GTF3C2: variants seen among roughly 807,000 people sequenced by gnomAD.
GTF3C2 encodes the protein general transcription factor IIIC subunit 2, also known as general transcription factor 3C polypeptide 2.
A neutral mutation model predicts 117.4 loss-of-function variants in GTF3C2; 17 were observed. The observed-to-expected ratio is 0.14, with a 90% confidence interval of 0.10 to 0.22. The LOEUF (loss-of-function observed/expected upper bound fraction) is 0.22, where lower values mean the gene tolerates loss of function less well. Ranked by LOEUF, GTF3C2 falls within the 10% of genes least tolerant of loss-of-function variation. GTF3C2 has a pLI of 1.00. For missense variants in GTF3C2, 888 were observed against 1,143.6 expected (o/e 0.78, Z 3.22); for synonymous variants, 437 against 427.0 (o/e 1.02, Z -0.29).
At chr2:27,352,976 GCTT>G (rs1681187757) in intron 1 of GTF3C2, among the ~76,000 whole-genome samples, 1 of 152,142 alleles carries the variant, frequency 6.6e-6, no homozygotes, top group Admixed American at 6.6e-5. Flanking sequence ...CTATTTGGCA[GCTT>G]TTTTGTTTGC....
intron 4 of GTF3C2, among the ~76,000 whole-genome samples, chr2:27,338,460 G>GCA (rs59913490): frequency 0.019 from 1,462 of 76,174 alleles, 11 homozygotes; most frequent in Middle Eastern, 0.081. Context: ...GCGCACGCGC[G>GCA]CACACACACA....
exon 19 of GTF3C2, chr2:27,326,488 C>T (rs1213665359): frequency 2.0e-5 from 12 of 606,926 alleles, no homozygotes; most frequent in South Asian, 1.0e-4. Flanking sequence ...CCCCCCTGCC[C>T]GCAGGGGGCT....
At chr2:27,343,322 C>T in exon 2 of GTF3C2, 1 of 1,614,094 alleles carries the variant, frequency 6.2e-7, no homozygotes, top group Non-Finnish European at 8.5e-7. Context: ...CTGTTCCAGT[C>T]TGGAGAGGCT....
At chr2:27,343,564 C>G in exon 2 of GTF3C2, 1 of 1,613,432 alleles carries the variant, frequency 6.2e-7, no homozygotes. Context: ...TCAGCACCCC[C>G]CAAAATGGCT....
At chr2:27,347,031 G>C (rs1680941656) in intron 1 of GTF3C2, among the ~76,000 whole-genome samples, 1 of 152,114 alleles carries the variant, frequency 6.6e-6, no homozygotes, top group Admixed American at 6.6e-5. Context: ...TGACTAAATT[G>C]TCATGAGTCT....
intron 18 of GTF3C2, 124 bp from the exon 19 acceptor site, chr2:27,327,017 C>CA (rs761260088): frequency 9.3e-5 from 66 of 706,896 alleles, no homozygotes; most frequent in Non-Finnish European, 1.5e-4. Context: ...TGAGGGGTGA[C>CA]AGAGGTAAGA....
At chr2:27,327,951 T>G in intron 17 of GTF3C2, 86 bp downstream of exon 17, 1 of 1,128,394 alleles carries the variant, frequency 8.9e-7, no homozygotes, top group Non-Finnish European at 1.3e-6. Context: ...TACATCTTTG[T>G]GCTGAACTCA....
At chr2:27,356,012 G>A (rs1417896309) in intron 1 of GTF3C2, 4 of 897,492 alleles carry the variant, frequency 4.5e-6, no homozygotes, top group African/African-American at 3.4e-5. Context: ...ATTGATAAGA[G>A]ATTGCAAAAA....
Position 27,329,300 on chromosome 2 carries a change from A to G in GTF3C2, c.1878-18T>C. The G allele has an allele frequency of 6.2e-7, 1 of 1,614,098 alleles. No homozygotes were observed. The highest frequency in any genetic ancestry group is 1.1e-5 in the South Asian group (1 of 91,078). On this transcript the variant is annotated intron_variant, in intron 13 of 18. Transcript: ENST00000264720. This position sits in a 1 kb window ranked among gnomAD's most constrained non-coding sequence, Gnocchi z 4.5. ...GGAAATGGCTGTAAAAAGACGGGAG[A>G]AGGTCAAATCCAAACAAATCCGGAA...
At chr2:27,354,207 C>T (rs1237955563) in intron 1 of GTF3C2, among the ~76,000 whole-genome samples, 3 of 151,992 alleles carry the variant, frequency 2.0e-5, no homozygotes, top group Non-Finnish European at 4.4e-5. Flanking sequence ...CGCCTGAGCC[C>T]AGGAGTTCAA....
At chr2:27,346,011 C>T (rs536409604) in intron 1 of GTF3C2, among the ~76,000 whole-genome samples, 19 of 144,112 alleles carry the variant, frequency 1.3e-4, no homozygotes, top group East Asian at 1.2e-3. Flanking sequence ...CACTGTGCCC[C>T]GCCACTTTTT....
chr2:27,338,122 TC>T lies in GTF3C2; in HGVS notation c.856-103del, dbSNP rs1680564043. The T allele has an allele frequency of 9.1e-6, 7 of 765,158 alleles. No individual in the cohort carries two copies. The Middle Eastern group carries it at 9.2e-4, about 101-fold the overall frequency. The allele number at this position is 765,158 out of a possible 1,614,324, so 47.4% of individuals were successfully genotyped here. A position where few individuals can be genotyped will look rare whatever the true frequency, so the allele number is the denominator to read the frequency against. On this transcript the variant is annotated intron_variant, in intron 4 of 18. Transcript: ENST00000264720. ...AGTTTTTATCTTCTTTGGCAATACC[TC>T]CCCCTCCAATCACTGCCCTATCAGC...
rs757109438 is a variant in GTF3C2 at position 27,343,155 on chromosome 2, G to A, written c.248-8C>T. 2 of 1,555,874 alleles carry A rather than the reference G, an allele frequency of 1.3e-6. No individual in the cohort carries two copies. Among genetic ancestry groups the A allele is most frequent in the Non-Finnish European group, 1.7e-6 (2 of 1,150,886 alleles). Reference sequence around the variant, plus strand: ...ACATCTCTGAAGAAAGATCTGTGGAGAAGAATATGGGTCTGTGAGATGGGA... The same window carrying A: ...ACATCTCTGAAGAAAGATCTGTGGAAAAGAATATGGGTCTGTGAGATGGGA... On this transcript the variant is annotated splice_region_variant and splice_polypyrimidine_tract_variant and intron_variant, in intron 2 of 18. Transcript: ENST00000264720.
intron 17 of GTF3C2, 118 bp from the exon 18 acceptor site, chr2:27,327,402 T>G: frequency 1.9e-6 from 1 of 514,904 alleles, no homozygotes. Flanking sequence ...GGCAGCTCAC[T>G]ACAACCTGTG....
chr2:27,341,714 T>C, intron 4 of GTF3C2: 1 of 525,962 alleles, frequency 1.9e-6, no homozygotes, highest in Non-Finnish European at 3.4e-6. Context: ...ACGTTTGTTG[T>C]GTTTCCTAAC....
intron 15 of GTF3C2, 121 bp downstream of exon 15, chr2:27,328,723 G>T (rs977774080): frequency 2.8e-6 from 3 of 1,062,410 alleles, no homozygotes; most frequent in South Asian, 1.4e-5. Flanking sequence ...CAGCCCTGAT[G>T]ATAGAGTTAC....
intron 4 of GTF3C2, 108 bp downstream of exon 4, chr2:27,341,840 T>G: frequency 1.1e-6 from 1 of 934,148 alleles, no homozygotes; most frequent in Non-Finnish European, 1.6e-6. Context: ...TTAACCTGTT[T>G]TGTCTATTAT....
At chr2:27,344,316 C>A (rs367990509) in intron 1 of GTF3C2, among the ~76,000 whole-genome samples, 3 of 152,094 alleles carry the variant, frequency 2.0e-5, no homozygotes, top group Non-Finnish European at 4.4e-5. Flanking sequence ...TGAGTCACTG[C>A]GCCTGGCCAT....
At chr2:27,332,642 C>T (rs970648179) in intron 12 of GTF3C2, among the ~76,000 whole-genome samples, 2 of 151,232 alleles carry the variant, frequency 1.3e-5, no homozygotes, top group Admixed American at 6.6e-5. Context: ...TCTCGATATC[C>T]TGACCTCGTG....
Sources: gnomAD v4.1 joint callset for allele counts (sites outside exome capture counted in the v4.1 genomes callset) on GRCh38, gnomAD v4.1.1 for gene constraint, Gnocchi (gnomAD v3.1) non-coding constraint, MANE v1.5 for transcripts, NCBI Gene and HGNC (gene_info 2026-07-23, HGNC 2026-07-21) for gene names.